Variants in VPS13A observed in about 807,000 individuals in gnomAD.
VPS13A encodes intermembrane lipid transfer protein VPS13A.
A neutral mutation model predicts 390.9 loss-of-function variants in VPS13A; 264 were observed. That is an observed-to-expected ratio of 0.68 (90% CI 0.61 to 0.75). The LOEUF (loss-of-function observed/expected upper bound fraction) is 0.75, where lower values mean the gene tolerates loss of function less well. VPS13A is among the 30% of genes least tolerant of loss of function. The pLI is 0.00. For synonymous variants in VPS13A, 1,231 were observed against 1,227.1 expected, an observed-to-expected ratio of 1.00 and a Z score of -0.07; for missense variants, 3,409 against 3,733.9, an observed-to-expected ratio of 0.91 and a Z score of 2.27.
At chr9:77,196,879 T>C (rs889576280) in intron 1 of VPS13A, among the ~76,000 whole-genome samples, 1 of 152,194 alleles carries the variant, frequency 6.6e-6, no homozygotes, top group Non-Finnish European at 1.5e-5. Flanking sequence ...TGATGGATCA[T>C]ATGGTAATTT....
chr9:77,214,277 A>G (rs907943504), intron 9 of VPS13A, 52 bp from the exon 10 acceptor site: 53 of 1,546,338 alleles, frequency 3.4e-5, no homozygotes, highest in Admixed American at 1.0e-4. Flanking sequence ...CTCCATCTCA[A>G]AAAAAGACAT....
Position 77,361,847 on chromosome 9 carries a change from T to G in VPS13A, c.8211+1206T>G, listed in dbSNP as rs540067021. 3.3e-5 allele frequency among the ~76,000 whole-genome samples: 5 copies of G among 152,204 alleles called. No individual in the cohort carries two copies. The East Asian group carries it at 9.6e-4, about 29-fold the overall frequency. On this transcript the variant is annotated intron_variant, in intron 59 of 71. Coordinates refer to ENST00000360280, the MANE Select transcript of VPS13A (RefSeq NM_033305.3). Reference sequence around the variant, plus strand: ...CTTTGATTCTAGCAATCATAATGGGTGAATGTGAAATAGTTTGTCATTGTG... The same window carrying G: ...CTTTGATTCTAGCAATCATAATGGGGGAATGTGAAATAGTTTGTCATTGTG...
intron 68 of VPS13A, chr9:77,389,922 T>C (rs1833838077): frequency 4.7e-6 from 1 of 212,486 alleles, no homozygotes; most frequent in Non-Finnish European, 8.1e-6. Flanking sequence ...GAGGCTGTTT[T>C]TGTGTCTTGT....
intron 31 of VPS13A, among the ~76,000 whole-genome samples, chr9:77,284,765 G>A (rs577048584): frequency 2.6e-5 from 4 of 151,598 alleles, no homozygotes; most frequent in Middle Eastern, 3.4e-3. Context: ...GTGCAGTGGC[G>A]CAGTCTTGGC....
At chr9:77,210,219 T>C (rs867964856) in intron 6 of VPS13A, among the ~76,000 whole-genome samples, 1 of 117,628 alleles carries the variant, frequency 8.5e-6, no homozygotes, top group East Asian at 2.6e-4. Context: ...TCTCCTCTTC[T>C]CTCCCCTCCC....
intron 17 of VPS13A, among the ~76,000 whole-genome samples, chr9:77,231,046 A>G (rs1823802568): frequency 6.6e-6 from 1 of 152,196 alleles, no homozygotes; most frequent in Non-Finnish European, 1.5e-5. Context: ...TATTATGTGT[A>G]TAGAAATACA....
rs1350877922 is a variant in VPS13A, at chr9:77,275,624, C to T, written c.2639C>T (p.Thr880Ile). ...QKQDCSVNMT[T>I]FKIRFEVPKV... ...CAGGATTGTTCAGTAAATATGACTA[C>T]ATTTAAAATAAGATTTGAAGTACCA... The change falls in exon 25 of 72, where the codon ACA (threonine) becomes ATA (isoleucine). Residue 880 changes from threonine (T) to isoleucine (I), a missense_variant. By Grantham distance (89) the Thr-to-Ile change is moderately conservative. Around this residue, in one of 5 missense-constraint regions of VPS13A, gnomAD observed 2,717 missense variants for 2,917.4 expected, o/e 0.93. Transcript: ENST00000360280. 1 of 1,613,450 alleles carries T rather than the reference C, an allele frequency of 6.2e-7. No homozygotes were observed. Among genetic ancestry groups the T allele is most frequent in the Admixed American group, 1.7e-5 (1 of 60,006 alleles).
chr9:77,319,542 C>T, intron 41 of VPS13A, 30 bp from the exon 42 acceptor site: 5 of 1,398,234 alleles, frequency 3.6e-6, no homozygotes, highest in Non-Finnish European at 5.1e-6. Flanking sequence ...GATGGAAGAT[C>T]ATTTTTAATT....
chr9:77,207,253 A>AT (rs68085065), intron 5 of VPS13A, among the ~76,000 whole-genome samples: 3,320 of 91,288 alleles, frequency 0.036, 159 homozygotes, highest in East Asian at 0.067. Context: ...ATATATATAT[A>AT]AAACGTGTTA....
At chr9:77,195,136 A>T (rs1398613408) in intron 1 of VPS13A, among the ~76,000 whole-genome samples, 1 of 151,926 alleles carries the variant, frequency 6.6e-6, no homozygotes, top group East Asian at 1.9e-4. Context: ...ATTTTGAGTT[A>T]ATTTTTGAAT....
chr9:77,182,358 T>A (rs1239135044), intron 1 of VPS13A, among the ~76,000 whole-genome samples: 1 of 152,182 alleles, frequency 6.6e-6, no homozygotes, highest in Non-Finnish European at 1.5e-5. Context: ...CCTCCCAAAG[T>A]GCTGGGATTA....
chr9:77,221,376 T>A lies in VPS13A; in HGVS notation c.1161+20T>A. The A allele has an allele frequency of 3.1e-6, 5 of 1,611,032 alleles. No homozygotes were observed. The highest frequency in any genetic ancestry group is 3.4e-6 in the Non-Finnish European group (4 of 1,178,862). On this transcript the variant is annotated intron_variant, in intron 13 of 71. Coordinates refer to ENST00000360280, the MANE Select transcript of VPS13A (RefSeq NM_033305.3). ...TTGGAGGTTAGCATTTAAAATGAAA[T>A]TGTTGAGTGTTTTATACTACATAGC...
chr9:77,221,429 T>A (rs1311894347), intron 13 of VPS13A, 73 bp downstream of exon 13: 2 of 1,501,854 alleles, frequency 1.3e-6, no homozygotes, highest in Non-Finnish European at 1.8e-6. Flanking sequence ...TGACTGATAC[T>A]CCCTACCTTT....
chr9:77,282,440 TAAAG>T (rs887587460), intron 29 of VPS13A, among the ~76,000 whole-genome samples, 166 bp downstream of exon 29: 1 of 151,968 alleles, frequency 6.6e-6, no homozygotes, highest in Admixed American at 6.6e-5. Context: ...TTTTAGAAAA[TAAAG>T]GAAACTACTG....
At chr9:77,237,858 TTGTA>T in intron 17 of VPS13A, 140 bp from the exon 18 acceptor site, 1 of 631,552 alleles carries the variant, frequency 1.6e-6, no homozygotes, top group Non-Finnish European at 2.8e-6. Flanking sequence ...AGAGGAATCA[TTGTA>T]TGTCTTCTTT....
At chr9:77,280,303 A>G in intron 27 of VPS13A, 65 bp downstream of exon 27, 1 of 1,349,284 alleles carries the variant, frequency 7.4e-7, no homozygotes, top group Non-Finnish European at 1.1e-6. Context: ...AAGTTTTGTA[A>G]GTTTGGTATT....
chr9:77,302,857 T>A, intron 33 of VPS13A, 58 bp from the exon 34 acceptor site: 7 of 1,536,634 alleles, frequency 4.6e-6, no homozygotes, highest in Non-Finnish European at 6.3e-6. Context: ...AGTTAATCTT[T>A]TTTTAACTAC....
chr9:77,374,865 T>A (rs1190193495), intron 67 of VPS13A, among the ~76,000 whole-genome samples: 2 of 152,138 alleles, frequency 1.3e-5, no homozygotes, highest in African/African-American at 4.8e-5. Flanking sequence ...GTGGCTGTCT[T>A]CCTAATCTTT....
Position 77,252,256 on chromosome 9 carries a change from G to A in VPS13A, c.2192G>A (p.Arg731Gln), listed in dbSNP as rs746836759. 12 of 1,613,740 alleles carry A rather than the reference G, an allele frequency of 7.4e-6. No homozygotes were observed. The highest frequency in any genetic ancestry group is 2.2e-5 in the South Asian group (2 of 91,068). The change falls in exon 22 of 72, where the codon CGA becomes CAA. Residue 731 changes from arginine to glutamine, a missense_variant. Arg to Gln is a conservative substitution (Grantham distance 43). This residue lies in a region of VPS13A where 2,717 missense variants were observed against 2,917.4 expected (regional missense o/e 0.93). Coordinates refer to ENST00000360280, the MANE Select transcript of VPS13A (RefSeq NM_033305.3). Reference sequence around the variant, plus strand: ...TTAGGTGATAATTGGAGAGAAGCACGAAAACTCAGTGTATCTACCCAGCAT... The same window carrying A: ...TTAGGTGATAATTGGAGAGAAGCACAAAAACTCAGTGTATCTACCCAGCAT... Reference protein sequence around the residue: ...SRVGDNWREARKLSVSTQHIL... With the variant: ...SRVGDNWREAQKLSVSTQHIL...
Sources: allele counts gnomAD v4.1 joint callset (sites outside exome capture counted in the v4.1 genomes callset), GRCh38; gene constraint gnomAD v4.1.1; regional missense constraint gnomAD v4.1.1; transcripts MANE v1.5; gene names NCBI Gene and HGNC (gene_info 2026-07-23, HGNC 2026-07-21).